The following TM9SF4 variants were observed in gnomAD, a reference collection of about 807,000 sequenced individuals.
The protein encoded by TM9SF4 is transmembrane 9 superfamily member 4.
In TM9SF4, 26 loss-of-function variants were observed where a neutral mutation model predicts 90.4. The ratio of observed to expected loss-of-function variants is 0.29; its 90% confidence interval spans 0.21 to 0.40. The LOEUF is 0.40. Ranked by LOEUF, TM9SF4 falls within the 10% of genes least tolerant of loss-of-function variation. The probability of loss-of-function intolerance (pLI) is 1.00; values close to 1 mark genes in which losing one functional copy is unlikely to be tolerated. For synonymous variants in TM9SF4, 293 were observed against 315.4 expected, an observed-to-expected ratio of 0.93 and a Z score of 0.75; for missense variants, 549 against 834.8, an observed-to-expected ratio of 0.66 and a Z score of 4.22.
chr20:32,159,874 C>G, intron 15 of TM9SF4, 118 bp from the exon 16 acceptor site: 1 of 1,440,734 alleles, frequency 6.9e-7, no homozygotes, highest in South Asian at 1.3e-5. Flanking sequence ...ATGCCAGGCC[C>G]ACGGGCCCTG....
intron 1 of TM9SF4, among the ~76,000 whole-genome samples, chr20:32,126,734 CT>C (rs72250081): frequency 1.3e-3 from 167 of 128,292 alleles, no homozygotes; most frequent in Middle Eastern, 0.011. Context: ...GAACTAATTT[CT>C]TTTTTTTTTT....
intron 1 of TM9SF4, among the ~76,000 whole-genome samples, chr20:32,124,551 A>AC (rs1166058723): frequency 1.3e-5 from 2 of 148,754 alleles, no homozygotes; most frequent in African/African-American, 5.0e-5. Context: ...TCCCTCTCTG[A>AC]CCCCCTGGAT....
At chr20:32,127,329 G>T (rs1284094526) in intron 1 of TM9SF4, among the ~76,000 whole-genome samples, 1 of 152,138 alleles carries the variant, frequency 6.6e-6, no homozygotes, top group Non-Finnish European at 1.5e-5. Flanking sequence ...CAATTCATCT[G>T]CTTGAAAAGA....
At chr20:32,118,406 A>T (rs777513716) in intron 1 of TM9SF4, among the ~76,000 whole-genome samples, 1 of 152,102 alleles carries the variant, frequency 6.6e-6, no homozygotes, top group Non-Finnish European at 1.5e-5. Context: ...CACTTCTTAA[A>T]ATATAAATGA....
At chr20:32,118,035 T>C (rs552000830) in intron 1 of TM9SF4, among the ~76,000 whole-genome samples, 2 of 152,304 alleles carry the variant, frequency 1.3e-5, no homozygotes, top group Non-Finnish European at 2.9e-5. Flanking sequence ...TGCTTTTTCC[T>C]TACAGAAAAG....
rs749228502 is a variant in TM9SF4, at chr20:32,145,058, C to G, written c.653-33C>G. 5.6e-6 allele frequency: 9 copies of G among 1,607,672 alleles called. 1 individual carries two copies. Among genetic ancestry groups the G allele is most frequent in the Non-Finnish European group, 7.7e-6 (9 of 1,174,164 alleles). On this transcript the variant is annotated intron_variant, in intron 6 of 17. Coordinates refer to ENST00000398022, the MANE Select transcript of TM9SF4 (RefSeq NM_014742.4). Reference sequence around the variant, plus strand: ...GCCCCTGGGCAGTGGCACTGGCCACCACAGGAACAGACTGAGTCTGTGTCT... The same window carrying G: ...GCCCCTGGGCAGTGGCACTGGCCACGACAGGAACAGACTGAGTCTGTGTCT...
At chr20:32,163,283 ATATATATATATATG>A (rs1202854723) in intron 17 of TM9SF4, among the ~76,000 whole-genome samples, 51 of 127,432 alleles carry the variant, frequency 4.0e-4, no homozygotes, top group African/African-American at 1.4e-3. Flanking sequence ...ATATATATAT[ATATATATATATATG>A]TATGTATGTA....
intron 10 of TM9SF4, 85 bp from the exon 11 acceptor site, chr20:32,150,537 G>A: frequency 6.5e-7 from 1 of 1,533,568 alleles, no homozygotes. Context: ...TGTCCAAGGT[G>A]GGCCTGGGGC....
chr20:32,116,743 C>G (rs1333563927), intron 1 of TM9SF4: 1 of 151,372 alleles, frequency 6.6e-6, no homozygotes, highest in Non-Finnish European at 1.5e-5. Flanking sequence ...AGCCTTCATT[C>G]ACATGCGGCT....
chr20:32,110,022 T>G, intron 1 of TM9SF4: 1 of 1,394,130 alleles, frequency 7.2e-7, no homozygotes, highest in Non-Finnish European at 9.3e-7. Context: ...CCCATTCTAC[T>G]TTTGGTCTCC....
At position 32,165,789 on chromosome 20, in the gene TM9SF4, ATGGATAAAT is replaced by A; in HGVS notation, c.*346_*354del. On this transcript the variant is annotated 3_prime_UTR_variant, in exon 18 of 18. Coordinates refer to ENST00000398022, the MANE Select transcript of TM9SF4 (RefSeq NM_014742.4). ...CTTTGTTTTAACAAATGGATCCAGG[ATGGATAAAT>A]CCACCGAGATAAGGGTTTTGGTCAC... 4.1e-6 allele frequency: 1 copy of A among 243,098 alleles called. No homozygotes were observed. The highest frequency in any genetic ancestry group is 5.5e-5 in the South Asian group (1 of 18,328). 15.1% of individuals were successfully genotyped at this position (243,098 alleles called of 1,614,324 possible).
At position 32,145,294 on chromosome 20, in the gene TM9SF4, C is replaced by T; in HGVS notation, c.772-18C>T. The stretch of plus-strand genomic sequence containing the variant: ...CCAGCAGGATGCCTGACTCTAAGTG[C>T]TTCCTCCCACCTGCCAGGAAAGTGA... On this transcript the variant is annotated intron_variant, in intron 7 of 17. Coordinates refer to ENST00000398022, the MANE Select transcript of TM9SF4 (RefSeq NM_014742.4). 1 of 1,613,568 alleles carries T rather than the reference C, an allele frequency of 6.2e-7. No individual in the cohort carries two copies.
Position 32,167,187 on chromosome 20 carries a change from A to AT in TM9SF4, c.*1748dup, listed in dbSNP as rs1462362338. On this transcript the variant is annotated 3_prime_UTR_variant, in exon 18 of 18. Transcript: ENST00000398022. ...GACTTTTTAAATCATTATCATTATTATTTTTAATTAAAAAAATGCCTGTAT... is the reference window on the plus strand; with the variant it reads ...GACTTTTTAAATCATTATCATTATTATTTTTTAATTAAAAAAATGCCTGTAT... 1 of 151,898 alleles carries AT rather than the reference A, an allele frequency of 6.6e-6. No homozygotes were observed. The allele number at this position is 151,898 out of a possible 1,614,324, so 9.4% of individuals were successfully genotyped here. A position where few individuals can be genotyped will look rare whatever the true frequency, so the allele number is the denominator to read the frequency against.
intron 12 of TM9SF4, among the ~76,000 whole-genome samples, chr20:32,151,556 C>T (rs1238994519): frequency 1.3e-5 from 2 of 152,238 alleles, no homozygotes; most frequent in Non-Finnish European, 2.9e-5. Flanking sequence ...AAGGAGAGCT[C>T]AGGCTGTATC....
chr20:32,116,849 C>CTTTTTT (rs2046231071), intron 1 of TM9SF4, among the ~76,000 whole-genome samples: 1 of 122,506 alleles, frequency 8.2e-6, no homozygotes. Context: ...TTTTTTCCTC[C>CTTTTTT]TTTTTCCTTT....
chr20:32,112,237 C>T (rs985497958), intron 1 of TM9SF4, among the ~76,000 whole-genome samples: 9 of 151,974 alleles, frequency 5.9e-5, no homozygotes, highest in Non-Finnish European at 8.8e-5. Context: ...TGGCAAACCC[C>T]TCTACAAAAA....
At chr20:32,150,285 A>G (rs1046099000) in intron 10 of TM9SF4, among the ~76,000 whole-genome samples, 5 of 152,042 alleles carry the variant, frequency 3.3e-5, no homozygotes, top group Non-Finnish European at 7.4e-5. Context: ...CACCCTGCAG[A>G]GTTGGTAAGG....
chr20:32,110,448 G>C (rs1441823035), intron 1 of TM9SF4, among the ~76,000 whole-genome samples: 1 of 152,128 alleles, frequency 6.6e-6, no homozygotes, highest in Non-Finnish European at 1.5e-5. Context: ...AGAATCTCGA[G>C]GTGTGTAGGG....
At chr20:32,163,293 ATATG>A (rs1166558334) in intron 17 of TM9SF4, among the ~76,000 whole-genome samples, 2,383 of 56,196 alleles carry the variant, frequency 0.042, 63 homozygotes, top group East Asian at 0.28. Flanking sequence ...ATATATATAT[ATATG>A]TATGTATGTA....
Sources: allele counts gnomAD v4.1 joint callset (sites outside exome capture counted in the v4.1 genomes callset), GRCh38; gene constraint gnomAD v4.1.1; transcripts MANE v1.5; gene names NCBI Gene and HGNC (gene_info 2026-07-23, HGNC 2026-07-21).